GLIS1: variants seen among roughly 807,000 people sequenced by gnomAD.
GLIS1 encodes zinc finger protein GLIS1.
Under a neutral mutation model 63.8 loss-of-function variants are expected in GLIS1, and 24 were observed. That is an observed-to-expected ratio of 0.38 (90% CI 0.27 to 0.53). The LOEUF is 0.53. Ranked by LOEUF, GLIS1 falls within the 20% of genes least tolerant of loss-of-function variation. GLIS1 has a pLI of 0.85. For missense variants in GLIS1, 1,036 were observed against 1,074.1 expected (o/e 0.96, Z 0.50); for synonymous variants, 450 against 482.5 (o/e 0.93, Z 0.88).
chr1:53,561,539 C>G (rs565963960), intron 4 of GLIS1, among the ~76,000 whole-genome samples: 1 of 152,234 alleles, frequency 6.6e-6, no homozygotes, highest in Non-Finnish European at 1.5e-5. Flanking sequence ...AATCTGCCCT[C>G]GCTCTGTGGC....
chr1:53,707,068 C>T (rs897843042), intron 2 of GLIS1, among the ~76,000 whole-genome samples: 10 of 152,112 alleles, frequency 6.6e-5, no homozygotes, highest in African/African-American at 2.4e-4. Context: ...ACCCATTTTC[C>T]TCATATGGGG....
At chr1:53,656,058 T>C (rs558272747) in intron 2 of GLIS1, among the ~76,000 whole-genome samples, 76 of 152,316 alleles carry the variant, frequency 5.0e-4, no homozygotes, top group African/African-American at 1.8e-3. Context: ...CAGTATATAC[T>C]GCTGGGATCT....
intron 2 of GLIS1, among the ~76,000 whole-genome samples, chr1:53,684,017 T>C (rs1646304097): frequency 6.6e-6 from 1 of 152,092 alleles, no homozygotes; most frequent in Non-Finnish European, 1.5e-5. Flanking sequence ...AAATTGGACA[T>C]TTATGGGGCT....
intron 2 of GLIS1, among the ~76,000 whole-genome samples, chr1:53,659,932 G>A (rs542427054): frequency 6.6e-6 from 1 of 152,308 alleles, no homozygotes; most frequent in Admixed American, 6.5e-5. Context: ...TGAGGCACTG[G>A]AACAAAAAGG....
intron 7 of GLIS1, among the ~76,000 whole-genome samples, chr1:53,517,127 G>A (rs115430504): frequency 1.9e-3 from 295 of 152,142 alleles, no homozygotes; most frequent in Non-Finnish European, 2.6e-3. Flanking sequence ...CAGAGTAGGC[G>A]GCTCATCAGG....
chr1:53,645,180 C>CA (rs1645830570), intron 2 of GLIS1, among the ~76,000 whole-genome samples: 1 of 152,216 alleles, frequency 6.6e-6, no homozygotes, highest in Non-Finnish European at 1.5e-5. Flanking sequence ...TTCTCCCCCC[C>CA]AGACATCTGC....
intron 4 of GLIS1, among the ~76,000 whole-genome samples, chr1:53,555,529 CA>C (rs993298541): frequency 1.3e-5 from 2 of 151,668 alleles, no homozygotes; most frequent in Non-Finnish European, 2.9e-5. Context: ...GACTCTGTCT[CA>C]AAAAAACAAA....
intron 4 of GLIS1, among the ~76,000 whole-genome samples, chr1:53,540,185 C>T (rs188073414): frequency 5.1e-4 from 77 of 152,310 alleles, no homozygotes; most frequent in African/African-American, 1.3e-3. Flanking sequence ...AAGACCCCAG[C>T]GGTGAGCCTC....
chr1:53,524,849 G>A lies in GLIS1; in HGVS notation c.1521C>T (p.Arg507=). The A allele has an allele frequency of 6.2e-7, 1 of 1,613,490 alleles. No homozygotes were observed. The highest frequency in any genetic ancestry group is 1.3e-5 in the African/African-American group (1 of 75,068). Residue 507 remains arginine (R), a synonymous_variant, in exon 6 of 11, where the codon CGC becomes CGT. Coordinates refer to ENST00000628545, the MANE Select transcript of GLIS1 (RefSeq NM_001367484.1). ...YACQIPGCSK[R]YTDPSSLRKH... Reference sequence around the variant, plus strand: ...TGCGGAGGGAGCTGGGGTCTGTGTAGCGCTTGGAGCAGCCAGGGATCTGAC... The same window carrying A: ...TGCGGAGGGAGCTGGGGTCTGTGTAACGCTTGGAGCAGCCAGGGATCTGAC...
chr1:53,693,243 G>T (rs976564893), intron 2 of GLIS1, among the ~76,000 whole-genome samples: 1 of 152,184 alleles, frequency 6.6e-6, no homozygotes, highest in Non-Finnish European at 1.5e-5. Context: ...GCAGAGAAGG[G>T]CTGTAACTTG....
chr1:53,631,032 G>A (rs1335998712), intron 2 of GLIS1, among the ~76,000 whole-genome samples: 1 of 152,150 alleles, frequency 6.6e-6, no homozygotes, highest in Non-Finnish European at 1.5e-5. Flanking sequence ...ATGTAGTAAG[G>A]ATATCAGGTT....
intron 4 of GLIS1, among the ~76,000 whole-genome samples, chr1:53,575,874 C>T (rs752401359): frequency 1.1e-4 from 16 of 152,130 alleles, no homozygotes; most frequent in African/African-American, 1.7e-4. Context: ...AGGGCACATG[C>T]ACAGTCAGGA....
At chr1:53,650,396 C>T (rs1645892660) in intron 2 of GLIS1, among the ~76,000 whole-genome samples, 1 of 152,136 alleles carries the variant, frequency 6.6e-6, no homozygotes, top group African/African-American at 2.4e-5. Context: ...TCAAGACCAG[C>T]CTGGCCAACA....
chr1:53,690,146 A>G (rs1646386474), intron 2 of GLIS1, among the ~76,000 whole-genome samples: 1 of 152,220 alleles, frequency 6.6e-6, no homozygotes, highest in African/African-American at 2.4e-5. Context: ...AGCATAGGCT[A>G]GAAAGGGTAA....
At chr1:53,534,896 G>C (rs925031467) in intron 4 of GLIS1, among the ~76,000 whole-genome samples, 2 of 151,916 alleles carry the variant, frequency 1.3e-5, no homozygotes, top group East Asian at 3.9e-4. Context: ...GGGCTGACCC[G>C]GGGGCTTCTG....
At chr1:53,575,268 C>G (rs749817045) in intron 4 of GLIS1, among the ~76,000 whole-genome samples, 1 of 152,174 alleles carries the variant, frequency 6.6e-6, no homozygotes, top group Non-Finnish European at 1.5e-5. Context: ...ACACGCCTCA[C>G]GCCCCCCTGC....
In GLIS1 at chr1:53,665,212, CAA is replaced by C. The variant is rs1646078365; in HGVS notation, c.260-64936_260-64935del. On this transcript the variant is annotated intron_variant, in intron 2 of 10. Transcript: ENST00000628545. ...TTTGGCCTGTGTTGTCAGGAAAGAG[CAA>C]GATTTGGGGCTGCTTTAGATGCATA... Among the ~76,000 whole-genome samples the C allele has an allele frequency of 3.3e-5, 5 of 152,024 alleles. No individual in the cohort carries two copies. In the South Asian group the frequency reaches 1.0e-3, roughly 32 times the overall value.
chr1:53,623,807 A>G (rs945149108), intron 2 of GLIS1, among the ~76,000 whole-genome samples: 4 of 152,214 alleles, frequency 2.6e-5, no homozygotes, highest in Admixed American at 2.6e-4. Flanking sequence ...AGAAAACACA[A>G]AATGCTTAGA....
At chr1:53,691,903 G>C (rs1223302217) in intron 2 of GLIS1, among the ~76,000 whole-genome samples, 3 of 152,150 alleles carry the variant, frequency 2.0e-5, no homozygotes, top group African/African-American at 7.2e-5. Flanking sequence ...AAAGCATAGA[G>C]AGATGTATAT....
Sources: gnomAD v4.1 joint callset for allele counts (sites outside exome capture counted in the v4.1 genomes callset) on GRCh38, gnomAD v4.1.1 for gene constraint, MANE v1.5 for transcripts, NCBI Gene and HGNC (gene_info 2026-07-23, HGNC 2026-07-21) for gene names.